The following PCDH15 variants were observed in gnomAD, a reference collection of about 807,000 sequenced individuals.
The protein encoded by PCDH15 is protocadherin related 15, also known as protocadherin-15.
In PCDH15, 129 loss-of-function variants were observed where a neutral mutation model predicts 178.5. That is an observed-to-expected ratio of 0.72 (90% CI 0.63 to 0.84). PCDH15 has a LOEUF of 0.84. Among genes scored for constraint, PCDH15 ranks in the 40% least tolerant of loss-of-function variants. PCDH15 has a pLI of 0.00. For missense variants in PCDH15, 2,230 were observed against 2,099.9 expected, an observed-to-expected ratio of 1.06 and a Z score of -1.21; for synonymous variants, 800 against 732.0, an observed-to-expected ratio of 1.09 and a Z score of -1.50.
intron 15 of PCDH15, among the ~76,000 whole-genome samples, chr10:54,129,817 T>C (rs1172156052): frequency 6.6e-6 from 1 of 152,120 alleles, no homozygotes; most frequent in Non-Finnish European, 1.5e-5. Context: ...ATATTATATC[T>C]CTCAAAAAAT....
chr10:53,857,037 C>G (rs2078795524), intron 28 of PCDH15, 138 bp downstream of exon 28: 2 of 691,622 alleles, frequency 2.9e-6, no homozygotes, highest in Non-Finnish European at 4.9e-6. Context: ...CACTCGAAGC[C>G]TAAACCTCAC....
intron 16 of PCDH15, among the ~76,000 whole-genome samples, chr10:54,084,614 A>C (rs1049394349): frequency 6.6e-6 from 1 of 152,158 alleles, no homozygotes; most frequent in Non-Finnish European, 1.5e-5. Context: ...AGAAAATTCA[A>C]TGATGTAAAT....
intron 2 of PCDH15, among the ~76,000 whole-genome samples, chr10:55,097,165 A>G (rs1224885852): frequency 1.3e-5 from 2 of 152,176 alleles, no homozygotes; most frequent in Non-Finnish European, 2.9e-5. Flanking sequence ...CTTACTAACC[A>G]AGTATAAATC....
rs1462927267 is a variant in PCDH15 at position 53,803,756 on chromosome 10, G to A, written c.*2823C>T. ...CTCTGCTTTCCCTTAATGCCCACAA[G>A]ACCTTCTAAAATCAACGGGTTGCAA... On this transcript the variant is annotated 3_prime_UTR_variant, in exon 38 of 38. Transcript: ENST00000644397. The A allele has an allele frequency of 1.3e-5, 2 of 151,756 alleles. No homozygotes were observed. Among genetic ancestry groups the A allele is most frequent in the African/African-American group, 4.8e-5 (2 of 41,376 alleles). The allele number at this position is 151,756 out of a possible 1,614,324, so 9.4% of individuals were successfully genotyped here.
At chr10:54,695,771 T>G (rs768642137) in intron 1 of PCDH15, among the ~76,000 whole-genome samples, 1 of 151,916 alleles carries the variant, frequency 6.6e-6, no homozygotes, top group Non-Finnish European at 1.5e-5. Flanking sequence ...GCTCTATGAA[T>G]GGAATAACAA....
intron 21 of PCDH15, among the ~76,000 whole-genome samples, chr10:53,987,394 C>A (rs1228709768): frequency 6.6e-6 from 1 of 151,924 alleles, no homozygotes; most frequent in Non-Finnish European, 1.5e-5. Context: ...AGAGATGCAG[C>A]AAATGCAGAG....
intron 18 of PCDH15, among the ~76,000 whole-genome samples, chr10:54,042,156 C>T: frequency 6.6e-6 from 1 of 152,004 alleles, no homozygotes; most frequent in East Asian, 1.9e-4. Flanking sequence ...TGAAATATTG[C>T]CAGACATTTT....
chr10:54,389,928 G>A lies in PCDH15; in HGVS notation c.158-10986C>T, dbSNP rs558315029. On this transcript the variant is annotated intron_variant, in intron 3 of 37. Transcript: ENST00000644397. ...ATTGCACTCCAGCCTGGGCGACAGAGTGAGACTCCGTCTTAAAATAAAATA... is the reference window on the plus strand; with the variant it reads ...ATTGCACTCCAGCCTGGGCGACAGAATGAGACTCCGTCTTAAAATAAAATA... 1.6e-4 allele frequency among the ~76,000 whole-genome samples: 25 copies of A among 152,252 alleles called. No individual in the cohort carries two copies. The East Asian group carries it at 1.7e-3, about 11-fold the overall frequency.
At chr10:54,407,742 C>T (rs755669574) in intron 3 of PCDH15, among the ~76,000 whole-genome samples, 5 of 152,062 alleles carry the variant, frequency 3.3e-5, no homozygotes, top group Non-Finnish European at 7.4e-5. Context: ...TAAACAGCTT[C>T]TAATTCCTCT....
chr10:55,565,489 A>G (rs1292914095), intron 2 of PCDH15, among the ~76,000 whole-genome samples: 1 of 151,632 alleles, frequency 6.6e-6, no homozygotes, highest in African/African-American at 2.4e-5. Context: ...CAAGAAGAAG[A>G]AAGAAGATAA....
At chr10:55,234,497 A>G (rs1841317874) in intron 1 of PCDH15, among the ~76,000 whole-genome samples, 1 of 151,468 alleles carries the variant, frequency 6.6e-6, no homozygotes, top group African/African-American at 2.4e-5. Context: ...TCAACTTCCC[A>G]TGCTCAAGTG....
At chr10:55,375,621 C>T (rs1016409896) in intron 2 of PCDH15, among the ~76,000 whole-genome samples, 2 of 152,014 alleles carry the variant, frequency 1.3e-5, no homozygotes, top group African/African-American at 2.4e-5. Flanking sequence ...AGATTTATTT[C>T]CCCAAATTGC....
intron 1 of PCDH15, among the ~76,000 whole-genome samples, chr10:55,220,078 C>G (rs1181258809): frequency 1.3e-5 from 2 of 151,912 alleles, no homozygotes; most frequent in Non-Finnish European, 2.9e-5. Context: ...ATTTTCTTGG[C>G]TAATTACCCT....
intron 2 of PCDH15, among the ~76,000 whole-genome samples, chr10:55,444,156 G>T (rs1266119782): frequency 1.3e-5 from 2 of 151,718 alleles, no homozygotes; most frequent in South Asian, 2.1e-4. Flanking sequence ...TAAGGGGAGG[G>T]TTAGCATTAG....
At chr10:55,040,191 G>T (rs1317611498) in intron 2 of PCDH15, among the ~76,000 whole-genome samples, 2 of 152,056 alleles carry the variant, frequency 1.3e-5, no homozygotes, top group Non-Finnish European at 2.9e-5. Flanking sequence ...TTGTGGTTGT[G>T]CTCTTAAAAG....
intron 2 of PCDH15, among the ~76,000 whole-genome samples, chr10:55,330,513 C>G (rs986343767): frequency 4.0e-5 from 6 of 151,882 alleles, no homozygotes; most frequent in Admixed American, 1.3e-4. Flanking sequence ...ATCTTTTCTA[C>G]ATGCATTTCC....
chr10:55,254,216 G>C (rs1191320710), intron 1 of PCDH15, among the ~76,000 whole-genome samples: 2 of 152,144 alleles, frequency 1.3e-5, no homozygotes, highest in Non-Finnish European at 2.9e-5. Flanking sequence ...AAAACCAATA[G>C]TTACTTCCAA....
intron 2 of PCDH15, among the ~76,000 whole-genome samples, chr10:55,581,101 G>A (rs540362463): frequency 5.3e-5 from 8 of 152,120 alleles, no homozygotes; most frequent in African/African-American, 1.4e-4. Flanking sequence ...TACATAATAC[G>A]CATTTTTGCC....
At chr10:54,539,657 A>G (rs1367094451) in intron 2 of PCDH15, among the ~76,000 whole-genome samples, 2 of 152,160 alleles carry the variant, frequency 1.3e-5, no homozygotes, top group East Asian at 1.9e-4. Context: ...GACACTCCAT[A>G]TATCAACCAC....
Sources: allele counts gnomAD v4.1 joint callset (sites outside exome capture counted in the v4.1 genomes callset), GRCh38; gene constraint gnomAD v4.1.1; transcripts MANE v1.5; gene names NCBI Gene and HGNC (gene_info 2026-07-23, HGNC 2026-07-21).